Variants in SMYD3 observed in about 807,000 individuals in gnomAD.
SMYD3 encodes histone-lysine N-methyltransferase SMYD3.
SMYD3 carries 36 observed loss-of-function variants against 57.7 expected under a neutral mutation model. The ratio of observed to expected loss-of-function variants is 0.62; its 90% CI spans 0.48 to 0.82. The LOEUF is 0.82. SMYD3 is among the 40% of genes least tolerant of loss of function. The pLI is 0.00. For missense variants in SMYD3, 515 were observed against 538.8 expected, an observed-to-expected ratio of 0.96 and a Z score of 0.44; for synonymous variants, 211 against 195.0, an observed-to-expected ratio of 1.08 and a Z score of -0.68.
intron 7 of SMYD3, among the ~76,000 whole-genome samples, chr1:245,921,600 A>G (rs2055965447): frequency 6.8e-6 from 1 of 147,730 alleles, no homozygotes; most frequent in African/African-American, 2.5e-5. Flanking sequence ...ATGCAGCCAT[A>G]AAAAAGAATG....
At chr1:246,473,510 T>C (rs978728455) in intron 1 of SMYD3, among the ~76,000 whole-genome samples, 3 of 152,238 alleles carry the variant, frequency 2.0e-5, no homozygotes, top group Non-Finnish European at 4.4e-5. Context: ...CATTATTTTA[T>C]AAGGTCAGTT....
At chr1:246,383,544 C>T (rs751713022) in intron 1 of SMYD3, among the ~76,000 whole-genome samples, 11 of 152,210 alleles carry the variant, frequency 7.2e-5, no homozygotes, top group Admixed American at 1.3e-4. Context: ...GAATTACAGA[C>T]AATTATTTTG....
At chr1:246,407,935 G>C (rs575592706) in intron 1 of SMYD3, among the ~76,000 whole-genome samples, 8 of 151,698 alleles carry the variant, frequency 5.3e-5, no homozygotes, top group Non-Finnish European at 7.4e-5. Flanking sequence ...CATATTCAGC[G>C]TCTGAGAGCT....
intron 5 of SMYD3, among the ~76,000 whole-genome samples, chr1:245,954,199 C>T (rs1325946110): frequency 6.6e-6 from 1 of 152,166 alleles, no homozygotes; most frequent in African/African-American, 2.4e-5. Context: ...GGTATAAATG[C>T]TTGTAGTAAA....
At position 245,897,241 on chromosome 1, in the gene SMYD3, C is replaced by T. The variant is rs138038197; in HGVS notation, c.813+18289G>A. The stretch of plus-strand genomic sequence containing the variant: ...AGCAGAAAGTATCCCTAGCACCTGA[C>T]TTAAGGGAGCTCTAAGTTTAAAAAC... On this transcript the variant is annotated intron_variant, in intron 8 of 11. Transcript: ENST00000490107. Among the ~76,000 whole-genome samples, 101 of 152,306 alleles carry T rather than the reference C, an allele frequency of 6.6e-4. No individual in the cohort carries two copies. In the East Asian group the frequency reaches 0.017, roughly 26 times the overall value.
At chr1:246,018,088 T>A (rs986461173) in intron 5 of SMYD3, among the ~76,000 whole-genome samples, 2 of 152,108 alleles carry the variant, frequency 1.3e-5, no homozygotes, top group Admixed American at 1.3e-4. Flanking sequence ...AGACTAGGTG[T>A]GCACTAGGTG....
intron 1 of SMYD3, among the ~76,000 whole-genome samples, chr1:246,451,831 T>A (rs1039669518): frequency 3.3e-5 from 5 of 152,240 alleles, no homozygotes; most frequent in African/African-American, 1.2e-4. Flanking sequence ...AAAATTTTTT[T>A]ACTTTAACTT....
At chr1:246,129,399 T>C (rs2061554771) in intron 5 of SMYD3, among the ~76,000 whole-genome samples, 1 of 148,246 alleles carries the variant, frequency 6.7e-6, no homozygotes. Context: ...ATTCATCAAA[T>C]ACAGTAAAAA....
chr1:245,884,829 T>A (rs113973998), intron 8 of SMYD3, among the ~76,000 whole-genome samples: 75 of 1,792 alleles, frequency 0.042, no homozygotes, highest in African/African-American at 0.11. Flanking sequence ...CCCAATCAGC[T>A]CTCTGTAAAA....
At chr1:246,439,666 C>T (rs2103017964) in intron 1 of SMYD3, among the ~76,000 whole-genome samples, 2 of 149,786 alleles carry the variant, frequency 1.3e-5, no homozygotes, top group South Asian at 4.2e-4. Flanking sequence ...TATTCTCACA[C>T]TAGAAGCACA....
intron 1 of SMYD3, among the ~76,000 whole-genome samples, chr1:246,359,541 T>C (rs1472408502): frequency 1.3e-5 from 2 of 152,126 alleles, no homozygotes; most frequent in Non-Finnish European, 1.5e-5. Flanking sequence ...ATATTCCTGA[T>C]GACACAGATG....
chr1:245,880,267 C>A lies in SMYD3; in HGVS notation c.814-16381G>T, dbSNP rs1033149106. ...GTATATGGGGCAAATATTATTAACACCATATTGTTCGATTTCAACCAGGAT... is the reference window on the plus strand; with the variant it reads ...GTATATGGGGCAAATATTATTAACAACATATTGTTCGATTTCAACCAGGAT... On this transcript the variant is annotated intron_variant, in intron 8 of 11. Transcript: ENST00000490107. 5.3e-5 allele frequency among the ~76,000 whole-genome samples: 8 copies of A among 152,182 alleles called. No individual in the cohort carries two copies. The East Asian group carries it at 1.3e-3, about 26-fold the overall frequency.
intron 5 of SMYD3, among the ~76,000 whole-genome samples, chr1:245,954,831 C>G (rs2057779517): frequency 6.6e-6 from 1 of 152,178 alleles, no homozygotes; most frequent in Admixed American, 6.5e-5. Flanking sequence ...TGCAACTTTC[C>G]AAGTCAATCT....
chr1:246,210,819 G>A (rs759574853), intron 5 of SMYD3, among the ~76,000 whole-genome samples: 7 of 152,168 alleles, frequency 4.6e-5, no homozygotes, highest in South Asian at 4.2e-4. Context: ...TTGACCGTAC[G>A]ATCTTAACTT....
chr1:245,872,640 G>A (rs1167217285), intron 8 of SMYD3, among the ~76,000 whole-genome samples: 1 of 152,226 alleles, frequency 6.6e-6, no homozygotes, highest in Non-Finnish European at 1.5e-5. Context: ...TGAAGCCACT[G>A]GCAGCTCTGT....
rs1240351250 is a variant in SMYD3 at position 246,265,281 on chromosome 1, G to T, written c.531+61920C>A. On this transcript the variant is annotated intron_variant, in intron 5 of 11. Coordinates refer to ENST00000490107, the MANE Select transcript of SMYD3 (RefSeq NM_001167740.2). ...CCAAGTAGCTAGGATGTGGGAGTAT[G>T]CCAACATACCCAGCTAATTTTTGTA... Among the ~76,000 whole-genome samples the T allele has an allele frequency of 2.0e-5, 3 of 151,338 alleles. No individual in the cohort carries two copies. In the East Asian group the frequency reaches 5.9e-4, roughly 30 times the overall value.
intron 1 of SMYD3, among the ~76,000 whole-genome samples, chr1:246,372,783 G>A (rs1388781241): frequency 1.3e-5 from 2 of 152,240 alleles, no homozygotes; most frequent in Non-Finnish European, 1.5e-5. Flanking sequence ...CTGAGGTCAG[G>A]AGAGAGGAGA....
intron 2 of SMYD3, 132 bp from the exon 3 acceptor site, chr1:246,335,606 G>T: frequency 1.5e-6 from 1 of 681,166 alleles, no homozygotes; most frequent in Non-Finnish European, 2.5e-6. Context: ...GAAAATAAAA[G>T]CAATATTCTA....
At chr1:246,035,280 A>G (rs541287151) in intron 5 of SMYD3, 1 of 152,354 alleles carries the variant, frequency 6.6e-6, no homozygotes, top group East Asian at 1.9e-4. Context: ...TCTGAAGAAC[A>G]TATGCTTTCA....
Sources: allele counts gnomAD v4.1 joint callset (sites outside exome capture counted in the v4.1 genomes callset), GRCh38; gene constraint gnomAD v4.1.1; transcripts MANE v1.5; gene names NCBI Gene and HGNC (gene_info 2026-07-23, HGNC 2026-07-21).